The following ODAD2 variants were observed in gnomAD, a reference collection of about 807,000 sequenced individuals.
The protein encoded by ODAD2 is outer dynein arm-docking complex subunit 2.
Under a neutral mutation model 106.8 loss-of-function variants are expected in ODAD2, and 89 were observed. The observed-to-expected ratio is 0.83, with a 90% CI of 0.70 to 0.99. The LOEUF (loss-of-function observed/expected upper bound fraction) is 0.99, where lower values mean the gene tolerates loss of function less well. Among genes scored for constraint, ODAD2 ranks in the 50% least tolerant of loss-of-function variants. The pLI is 0.00. For missense variants in ODAD2, 1,168 were observed against 1,238.5 expected (o/e 0.94, Z 0.85); for synonymous variants, 404 against 436.2 (o/e 0.93, Z 0.92).
chr10:27,893,214 TAAAGA>T (rs1045840556), intron 17 of ODAD2, among the ~76,000 whole-genome samples: 2 of 151,876 alleles, frequency 1.3e-5, no homozygotes, highest in African/African-American at 4.8e-5. Context: ...AGAAAAGAAA[TAAAGA>T]AAAGATGTTC....
chr10:27,885,509 CAAAAAAA>C (rs781326915), intron 17 of ODAD2, among the ~76,000 whole-genome samples: 596 of 19,772 alleles, frequency 0.03, 24 homozygotes, highest in African/African-American at 0.064. Context: ...GACTCCATCT[CAAAAAAA>C]AAAAAAAAAA....
chr10:27,849,614 C>G (rs1202655407), intron 19 of ODAD2, among the ~76,000 whole-genome samples: 4 of 151,892 alleles, frequency 2.6e-5, no homozygotes, highest in Non-Finnish European at 4.4e-5. Context: ...TAGAGCTCCC[C>G]ATGGAAAACT....
chr10:27,923,601 T>C (rs1172143097), intron 16 of ODAD2, among the ~76,000 whole-genome samples: 2 of 152,102 alleles, frequency 1.3e-5, no homozygotes, highest in East Asian at 3.9e-4. Flanking sequence ...ACATAAGTAA[T>C]ATAAAGTAGA....
At chr10:27,982,929 G>A (rs1335818501) in intron 6 of ODAD2, among the ~76,000 whole-genome samples, 3 of 152,162 alleles carry the variant, frequency 2.0e-5, no homozygotes, top group African/African-American at 4.8e-5. Context: ...TGCTACTCAC[G>A]CAGGAATCTG....
intron 15 of ODAD2, 147 bp from the exon 16 acceptor site, chr10:27,935,399 A>G: frequency 9.0e-7 from 1 of 1,105,460 alleles, no homozygotes; most frequent in Non-Finnish European, 1.3e-6. Context: ...AGCTTGGTAA[A>G]TAGTAGAGCT....
intron 17 of ODAD2, among the ~76,000 whole-genome samples, chr10:27,882,088 G>A (rs534899589): frequency 6.6e-6 from 1 of 151,930 alleles, no homozygotes; most frequent in South Asian, 2.1e-4. Context: ...AGGATCACTT[G>A]AGCCCAGGAG....
chr10:27,820,543 C>T (rs918041767), intron 19 of ODAD2, among the ~76,000 whole-genome samples: 4 of 151,926 alleles, frequency 2.6e-5, no homozygotes, highest in African/African-American at 9.7e-5. Flanking sequence ...ACAAGACTTA[C>T]GTTAGAAGAA....
intron 19 of ODAD2, among the ~76,000 whole-genome samples, chr10:27,843,292 G>C (rs1838446406): frequency 6.6e-6 from 1 of 152,200 alleles, no homozygotes; most frequent in South Asian, 2.1e-4. Context: ...GTTTAGAAAA[G>C]ATCGAGCTGA....
chr10:27,843,619 T>A (rs1838477172), intron 19 of ODAD2, among the ~76,000 whole-genome samples: 1 of 151,868 alleles, frequency 6.6e-6, no homozygotes, highest in African/African-American at 2.4e-5. Context: ...TAGAAAAAAA[T>A]TAGCTGGGTG....
At chr10:27,992,179 G>A (rs1394911687) in intron 2 of ODAD2, among the ~76,000 whole-genome samples, 3 of 152,232 alleles carry the variant, frequency 2.0e-5, no homozygotes, top group East Asian at 3.9e-4. Context: ...TTTCATCAGC[G>A]CCAGGCAAGC....
In ODAD2 at chr10:27,992,914, T is replaced by TA. The variant is rs534547288; in HGVS notation, c.224+2004dup. Among the ~76,000 whole-genome samples, 463 of 152,242 alleles carry TA rather than the reference T, an allele frequency of 3.0e-3. 3 individuals are homozygous for TA. The highest frequency in any genetic ancestry group is 0.011 in the African/African-American group (450 of 41,540). On this transcript the variant is annotated intron_variant, in intron 2 of 19. Coordinates refer to ENST00000305242, the MANE Select transcript of ODAD2 (RefSeq NM_018076.5). ...GTCATCTGCTTTAAATGCATTTTTATAAAAAAATATTAATTTTTTTTGAGA... is the reference window on the plus strand; with the variant it reads ...GTCATCTGCTTTAAATGCATTTTTATAAAAAAAATATTAATTTTTTTTGAGA...
intron 7 of ODAD2, among the ~76,000 whole-genome samples, chr10:27,977,678 GA>G (rs1169106799): frequency 2.6e-5 from 4 of 151,960 alleles, no homozygotes; most frequent in Non-Finnish European, 5.9e-5. Context: ...CATATATAAA[GA>G]TCTGTTGCAA....
chr10:27,955,012 A>T (rs1480805543), intron 10 of ODAD2, among the ~76,000 whole-genome samples: 7 of 152,198 alleles, frequency 4.6e-5, no homozygotes, highest in African/African-American at 1.7e-4. Flanking sequence ...AAAAAGTCAC[A>T]AAAGTTGTCC....
At chr10:27,950,549 A>C (rs564380028) in intron 10 of ODAD2, among the ~76,000 whole-genome samples, 11 of 152,314 alleles carry the variant, frequency 7.2e-5, no homozygotes, top group African/African-American at 2.6e-4. Flanking sequence ...GGAATGGGTA[A>C]GGACAATACA....
intron 17 of ODAD2, among the ~76,000 whole-genome samples, chr10:27,895,402 T>C (rs1394644925): frequency 6.6e-6 from 1 of 152,206 alleles, no homozygotes; most frequent in Admixed American, 6.5e-5. Context: ...CAAATGATTC[T>C]TGTGCCTCCC....
intron 10 of ODAD2, among the ~76,000 whole-genome samples, chr10:27,946,246 A>G (rs1173729261): frequency 6.7e-6 from 1 of 149,432 alleles, no homozygotes; most frequent in Admixed American, 6.7e-5. Flanking sequence ...GTATATTTCT[A>G]TATATAAATA....
chr10:27,920,446 G>A (rs1235407977), intron 16 of ODAD2, among the ~76,000 whole-genome samples: 3 of 152,050 alleles, frequency 2.0e-5, no homozygotes, highest in African/African-American at 7.2e-5. Context: ...CAACTGGCTG[G>A]ATGAGATACA....
intron 19 of ODAD2, among the ~76,000 whole-genome samples, chr10:27,826,010 T>C (rs1455009293): frequency 2.6e-5 from 4 of 152,208 alleles, no homozygotes; most frequent in East Asian, 3.8e-4. Context: ...CTCAACTCCA[T>C]TGATCTTCAC....
At chr10:27,960,901 A>C in intron 10 of ODAD2, among the ~76,000 whole-genome samples, 1 of 152,188 alleles carries the variant, frequency 6.6e-6, no homozygotes, top group African/African-American at 2.4e-5. Flanking sequence ...TTAATATCTG[A>C]CGTCAGAAAT....
Sources: allele counts gnomAD v4.1 joint callset (sites outside exome capture counted in the v4.1 genomes callset), GRCh38; gene constraint gnomAD v4.1.1; transcripts MANE v1.5; gene names NCBI Gene and HGNC (gene_info 2026-07-23, HGNC 2026-07-21).